The following ESR1 variants were observed in gnomAD, a reference collection of about 807,000 sequenced individuals.
ESR1 encodes the protein estrogen receptor.
Under a neutral mutation model 52.7 loss-of-function variants are expected in ESR1, and 12 were observed. The ratio of observed to expected loss-of-function variants is 0.23; its 90% CI spans 0.15 to 0.37. The LOEUF (loss-of-function observed/expected upper bound fraction) is 0.37. Among genes scored for constraint, ESR1 ranks in the 10% least tolerant of loss-of-function variants. ESR1 has a pLI of 1.00. For synonymous variants in ESR1, 305 were observed against 316.8 expected (o/e 0.96, Z 0.39); for missense variants, 584 against 779.7 (o/e 0.75, Z 2.99).
chr6:151,825,520 A>G (rs1332850669), intron 1 of ESR1, among the ~76,000 whole-genome samples: 1 of 152,156 alleles, frequency 6.6e-6, no homozygotes, highest in Non-Finnish European at 1.5e-5. Context: ...GGTCCTCAAA[A>G]TATTTCCTTT....
intron 2 of ESR1, among the ~76,000 whole-genome samples, chr6:151,736,824 G>A (rs1293176350): frequency 6.6e-6 from 1 of 152,112 alleles, no homozygotes; most frequent in Non-Finnish European, 1.5e-5. Flanking sequence ...CTTTGTGCAA[G>A]CAGCAATGTA....
intron 5 of ESR1, among the ~76,000 whole-genome samples, chr6:152,017,142 G>T (rs530483536): frequency 8.5e-5 from 13 of 152,222 alleles, no homozygotes; most frequent in African/African-American, 3.1e-4. Flanking sequence ...GATTATAAGA[G>T]TAAAAAAACC....
At chr6:151,796,922 T>G (rs997333917) in intron 2 of ESR1, among the ~76,000 whole-genome samples, 3 of 152,202 alleles carry the variant, frequency 2.0e-5, no homozygotes, top group Admixed American at 1.3e-4. Context: ...CTAGTTCCCT[T>G]GGCCAACCAC....
chr6:151,717,199 C>A (rs1307097537), intron 2 of ESR1, among the ~76,000 whole-genome samples: 1 of 152,194 alleles, frequency 6.6e-6, no homozygotes, highest in African/African-American at 2.4e-5. Flanking sequence ...ACTGTCTAAC[C>A]AGTCCCAATG....
chr6:151,821,848 AAATTTTCCCCTTGTAGT>A (rs1780607469), intron 1 of ESR1, among the ~76,000 whole-genome samples: 1 of 152,188 alleles, frequency 6.6e-6, no homozygotes, highest in Non-Finnish European at 1.5e-5. Flanking sequence ...GTTTACTATT[AAATTTTCCCCTTGTAGT>A]TTAATATTGT....
At chr6:151,722,780 A>G (rs1781553958) in intron 2 of ESR1, among the ~76,000 whole-genome samples, 1 of 152,224 alleles carries the variant, frequency 6.6e-6, no homozygotes, top group African/African-American at 2.4e-5. Flanking sequence ...TATTTCCAGA[A>G]AACGCCTATA....
chr6:151,925,892 A>G lies in ESR1; in HGVS notation c.761-18281A>G, dbSNP rs1016048348. 2.0e-5 allele frequency among the ~76,000 whole-genome samples: 3 copies of G among 152,028 alleles called. No homozygotes were observed. In the South Asian group the frequency reaches 6.2e-4, roughly 32 times the overall value. On this transcript the variant is annotated intron_variant, in intron 3 of 7. Coordinates refer to ENST00000206249, the MANE Select transcript of ESR1 (RefSeq NM_000125.4). ...CTTACTACCAAATTCAATATCATATAGAATTTTTTCTGTTTTCTTCAAGAA... is the reference window on the plus strand; with the variant it reads ...CTTACTACCAAATTCAATATCATATGGAATTTTTTCTGTTTTCTTCAAGAA...
intron 5 of ESR1, among the ~76,000 whole-genome samples, chr6:152,029,919 C>A (rs9397075): frequency 0.44 from 66,908 of 152,074 alleles, 16,667 homozygotes; most frequent in African/African-American, 0.67. Flanking sequence ...CAAAGGGAAG[C>A]CCATCAGACT....
intron 2 of ESR1, among the ~76,000 whole-genome samples, chr6:151,780,263 C>T (rs1421847256): frequency 2.6e-5 from 4 of 151,788 alleles, no homozygotes; most frequent in African/African-American, 7.3e-5. Context: ...ATGTAGATGA[C>T]GAGTTGATGG....
intron 1 of ESR1, among the ~76,000 whole-genome samples, chr6:151,674,266 G>C (rs1016648334): frequency 6.6e-6 from 1 of 152,182 alleles, no homozygotes; most frequent in Non-Finnish European, 1.5e-5. Context: ...CCATTTATGA[G>C]TGAGAACATG....
intron 2 of ESR1, among the ~76,000 whole-genome samples, chr6:151,720,722 A>G (rs1781394273): frequency 6.6e-6 from 1 of 152,216 alleles, no homozygotes; most frequent in South Asian, 2.1e-4. Context: ...ATAAATTTAA[A>G]TATAGGAAGA....
chr6:151,726,331 A>T (rs1348257180), intron 2 of ESR1, among the ~76,000 whole-genome samples: 10 of 150,560 alleles, frequency 6.6e-5, no homozygotes, highest in African/African-American at 2.2e-4. Flanking sequence ...ATTATTAAAG[A>T]TTTTCTTTTT....
chr6:151,920,069 G>T (rs2031294952), intron 3 of ESR1, among the ~76,000 whole-genome samples: 1 of 152,182 alleles, frequency 6.6e-6, no homozygotes, highest in East Asian at 1.9e-4. Flanking sequence ...TTTATAGGCT[G>T]GTTCTTCTGA....
At chr6:151,980,439 C>T (rs2039880965) in intron 4 of ESR1, among the ~76,000 whole-genome samples, 1 of 152,016 alleles carries the variant, frequency 6.6e-6, no homozygotes, top group Non-Finnish European at 1.5e-5. Context: ...GGGGGAGAAG[C>T]AATAAAGGAA....
intron 2 of ESR1, among the ~76,000 whole-genome samples, chr6:151,865,750 A>G (rs1583795373): frequency 6.6e-6 from 1 of 152,110 alleles, no homozygotes; most frequent in African/African-American, 2.4e-5. Context: ...TGGCCTGTGG[A>G]TGTTAAGTAG....
At chr6:152,116,286 A>T (rs914390034) in intron 6 of ESR1, among the ~76,000 whole-genome samples, 3 of 152,226 alleles carry the variant, frequency 2.0e-5, no homozygotes, top group Admixed American at 6.5e-5. Flanking sequence ...TACACGCAAG[A>T]GTGTCTACTG....
At chr6:151,764,315 A>T (rs767880216) in intron 2 of ESR1, among the ~76,000 whole-genome samples, 6 of 152,190 alleles carry the variant, frequency 3.9e-5, no homozygotes, top group Non-Finnish European at 5.9e-5. Context: ...TGTGTTAAAC[A>T]TATGGAGTAT....
chr6:151,878,562 G>C (rs1012176683), intron 2 of ESR1, among the ~76,000 whole-genome samples: 5 of 152,152 alleles, frequency 3.3e-5, no homozygotes, highest in African/African-American at 1.2e-4. Flanking sequence ...TGACCCTTAA[G>C]TTGAATAAAG....
Position 152,053,745 on chromosome 6 carries a change from G to A in ESR1, c.1236-7246G>A, listed in dbSNP as rs905906485. Among the ~76,000 whole-genome samples, 5 of 151,420 alleles carry A rather than the reference G, an allele frequency of 3.3e-5. No homozygotes were observed. The highest frequency in any genetic ancestry group is 4.2e-4 in the South Asian group (2 of 4,812). ...AGATATCTCCAAAATTTGTATTTCC[G>A]GATATTTTATGCTTTCATGGAGGCC... is the stretch of plus-strand genomic sequence containing the variant. On this transcript the variant is annotated intron_variant, in intron 5 of 7. Transcript: ENST00000206249. This position sits in a 1 kb window ranked among gnomAD's most constrained non-coding sequence, Gnocchi z 4.1.
Sources: allele counts gnomAD v4.1 joint callset (sites outside exome capture counted in the v4.1 genomes callset), GRCh38; gene constraint gnomAD v4.1.1; non-coding constraint Gnocchi (gnomAD v3.1); transcripts MANE v1.5; gene names NCBI Gene and HGNC (gene_info 2026-07-23, HGNC 2026-07-21).